Variants in SOAT1 observed in about 807,000 individuals in gnomAD.
The protein encoded by SOAT1 is sterol O-acyltransferase 1.
SOAT1 carries 55 observed loss-of-function variants against 69.5 expected under a neutral mutation model. The ratio of observed to expected loss-of-function variants is 0.79; its 90% CI spans 0.64 to 0.99. The LOEUF is 0.99. SOAT1 is among the 50% of genes least tolerant of loss of function. SOAT1 has a pLI of 0.00. For synonymous variants in SOAT1, 231 were observed against 224.7 expected, an observed-to-expected ratio of 1.03 and a Z score of -0.25; for missense variants, 580 against 669.3, an observed-to-expected ratio of 0.87 and a Z score of 1.47.
At chr1:179,336,152 CA>C (rs35876000) in intron 4 of SOAT1, among the ~76,000 whole-genome samples, 33,902 of 110,256 alleles carry the variant, frequency 0.31, 4,057 homozygotes, top group East Asian at 0.48. Flanking sequence ...ACTCTGTCTC[CA>C]AAAAAAAAAA....
intron 4 of SOAT1, 41 bp downstream of exon 4, chr1:179,335,698 A>T: frequency 6.5e-7 from 1 of 1,539,642 alleles, no homozygotes; most frequent in South Asian, 1.3e-5. Context: ...ACATCTACTC[A>T]GTATAGTTCA....
At chr1:179,327,826 A>G (rs898194978) in intron 3 of SOAT1, among the ~76,000 whole-genome samples, 1 of 152,134 alleles carries the variant, frequency 6.6e-6, no homozygotes, top group African/African-American at 2.4e-5. Context: ...GGGAAGTGAT[A>G]ACATGAGTGT....
chr1:179,343,191 T>A (rs909587194), intron 9 of SOAT1, among the ~76,000 whole-genome samples: 1 of 151,864 alleles, frequency 6.6e-6, no homozygotes, highest in Non-Finnish European at 1.5e-5. Flanking sequence ...AATTTTTATT[T>A]ATTTTTATTA....
intron 11 of SOAT1, among the ~76,000 whole-genome samples, chr1:179,345,900 T>G (rs1666518054): frequency 2.1e-5 from 3 of 140,044 alleles, no homozygotes; most frequent in African/African-American, 7.8e-5. Context: ...ATACCTTGAT[T>G]TCTTAAATAT....
chr1:179,328,150 T>C (rs1380587820), intron 3 of SOAT1, among the ~76,000 whole-genome samples: 1 of 152,194 alleles, frequency 6.6e-6, no homozygotes, highest in East Asian at 1.9e-4. Flanking sequence ...CCCAGGCTGG[T>C]CTCAAACTCC....
chr1:179,306,705 A>AGGAGGGTGGCGCATG (rs1665016284), intron 2 of SOAT1, among the ~76,000 whole-genome samples: 1 of 151,814 alleles, frequency 6.6e-6, no homozygotes, highest in South Asian at 2.1e-4. Flanking sequence ...GGTGGTGGGC[A>AGGAGGGTGGCGCATG]CCAGTAGTCC....
chr1:179,335,384 C>A, intron 3 of SOAT1, 122 bp from the exon 4 acceptor site: 1 of 813,012 alleles, frequency 1.2e-6, no homozygotes, highest in Non-Finnish European at 1.9e-6. Context: ...TGCTTTTACT[C>A]CTGCGAACTC....
rs1219983368 is a variant in SOAT1, at chr1:179,344,954, G to A, written c.995G>A (p.Gly332Asp). ...YVAMKFAQVF[G>D]CFFYVYYIFE... ...GTCTCTGTTATGTTCCAGGTCTTTG[G>A]TTGCTTTTTCTATGTGTACTACATC... The change falls in exon 11 of 16, where the codon GGT becomes GAT. Residue 332 changes from glycine (G) to aspartate (D), a missense_variant. Transcript: ENST00000367619. 1 of 1,613,784 alleles carries A rather than the reference G, an allele frequency of 6.2e-7. No homozygotes were observed. The highest frequency in any genetic ancestry group is 8.5e-7 in the Non-Finnish European group (1 of 1,179,954).
At chr1:179,330,579 G>T (rs10798660) in intron 3 of SOAT1, among the ~76,000 whole-genome samples, 65 of 152,116 alleles carry the variant, frequency 4.3e-4, no homozygotes, top group African/African-American at 1.4e-3. Flanking sequence ...TTTGGGGAGG[G>T]ACTATTTACA....
At chr1:179,298,053 G>A (rs1328854263) in intron 1 of SOAT1, among the ~76,000 whole-genome samples, 1 of 151,892 alleles carries the variant, frequency 6.6e-6, no homozygotes. Flanking sequence ...TGAGTGGCAG[G>A]CAATGCAGAA....
At chr1:179,347,779 T>A (rs2125001246) in intron 12 of SOAT1, 82 bp downstream of exon 12, 1 of 790,702 alleles carries the variant, frequency 1.3e-6, no homozygotes, top group East Asian at 2.6e-5. Context: ...TTGGCTAATG[T>A]CACCAGCCTT....
At chr1:179,343,860 C>T (rs537034526) in intron 10 of SOAT1, among the ~76,000 whole-genome samples, 10 of 152,296 alleles carry the variant, frequency 6.6e-5, no homozygotes, top group South Asian at 6.2e-4. Context: ...CAGTGGCTTG[C>T]GCCTGTAATC....
intron 3 of SOAT1, among the ~76,000 whole-genome samples, chr1:179,335,026 A>G (rs1666100420): frequency 6.6e-6 from 1 of 151,492 alleles, no homozygotes; most frequent in Non-Finnish European, 1.5e-5. Context: ...AAAAAAAAAA[A>G]AAAAAAAAAA....
At chr1:179,345,645 G>GAC (rs1666505328) in intron 11 of SOAT1, among the ~76,000 whole-genome samples, 1 of 151,298 alleles carries the variant, frequency 6.6e-6, no homozygotes, top group Non-Finnish European at 1.5e-5. Flanking sequence ...TACTAGCCTC[G>GAC]ACCTCTGGGG....
At chr1:179,305,720 T>C (rs1297983681) in intron 2 of SOAT1, among the ~76,000 whole-genome samples, 1 of 152,312 alleles carries the variant, frequency 6.6e-6, no homozygotes, top group East Asian at 1.9e-4. Flanking sequence ...TTCCAATTTC[T>C]CCATATCCTC....
Position 179,341,036 on chromosome 1 carries a change from T to C in SOAT1, c.506T>C (p.Leu169Pro). 6.2e-7 allele frequency: 1 copy of C among 1,613,864 alleles called. No homozygotes were observed. Among genetic ancestry groups the C allele is most frequent in the South Asian group, 1.1e-5 (1 of 91,056 alleles). Residue 169 changes from leucine (L) to proline (P), a missense_variant, in exon 7 of 16, where the codon CTT becomes CCT. Coordinates refer to ENST00000367619, the MANE Select transcript of SOAT1 (RefSeq NM_003101.6). ...GTACCTTTTCTCCCCAGGCTGGTGC[T>C]TGAGTTCAGCCTCCTGTCTTATGCT... Reference protein sequence around the residue: ...VDYIDEGRLVLEFSLLSYAFG... With the variant: ...VDYIDEGRLVPEFSLLSYAFG...
chr1:179,350,293 T>C lies in SOAT1; in HGVS notation c.1315-3T>C, dbSNP rs771230499. 1.4e-5 allele frequency: 23 copies of C among 1,610,366 alleles called. 1 individual carries two copies. The South Asian group carries it at 2.5e-4, about 18-fold the overall frequency. ...ACTTTGTAGTGTTTTCCTTTTTCTTTAGTTTTTCTCCAAGAGATTCAAATC... is the reference window on the plus strand; with the variant it reads ...ACTTTGTAGTGTTTTCCTTTTTCTTCAGTTTTTCTCCAAGAGATTCAAATC... On this transcript the variant is annotated splice_region_variant and splice_polypyrimidine_tract_variant and intron_variant, in intron 13 of 15. Coordinates refer to ENST00000367619, the MANE Select transcript of SOAT1 (RefSeq NM_003101.6).
chr1:179,307,237 ATACAGT>A (rs1256235164), intron 2 of SOAT1, among the ~76,000 whole-genome samples: 1 of 152,298 alleles, frequency 6.6e-6, no homozygotes, highest in Admixed American at 6.5e-5. Context: ...TCAAACATAG[ATACAGT>A]TACAGTAGTT....
rs757878094 is a variant in SOAT1 at position 179,302,736 on chromosome 1, GA to G, written c.56del (p.Asn19IlefsTer16). The G allele has an allele frequency of 6.2e-7, 1 of 1,611,232 alleles. No homozygotes were observed. The highest frequency in any genetic ancestry group is 1.1e-5 in the South Asian group (1 of 90,626). Reference sequence around the variant, plus strand: ...AAGAAACCGGCTGTCAAAGTCCAGGGAAAATCCTGAGGAAGATGAAGACCAG... The same window carrying G: ...AAGAAACCGGCTGTCAAAGTCCAGGGAAATCCTGAGGAAGATGAAGACCAG... ...SLRNRLSKSRENPEEDEDQRN... is the reference protein window; with the variant it reads ...SLRNRLSKSRXNPEEDEDQRN... On this transcript the variant is annotated frameshift_variant, in exon 2 of 16. Coordinates refer to ENST00000367619, the MANE Select transcript of SOAT1 (RefSeq NM_003101.6). LOFTEE classifies it high-confidence loss of function.
Sources: allele counts gnomAD v4.1 joint callset (sites outside exome capture counted in the v4.1 genomes callset), GRCh38; gene constraint gnomAD v4.1.1; transcripts MANE v1.5; gene names NCBI Gene and HGNC (gene_info 2026-07-23, HGNC 2026-07-21).